ROBO2: variants seen among roughly 807,000 people sequenced by gnomAD.
ROBO2 encodes the protein roundabout guidance receptor 2.
A neutral mutation model predicts 160.8 loss-of-function variants in ROBO2; 53 were observed. The observed-to-expected ratio is 0.33, with a 90% CI of 0.26 to 0.41. The LOEUF (loss-of-function observed/expected upper bound fraction) is 0.41, where lower values mean the gene tolerates loss of function less well. Ranked by LOEUF, ROBO2 falls within the 10% of genes least tolerant of loss-of-function variation. The pLI is 1.00. For missense variants in ROBO2, 1,577 were observed against 1,722.4 expected (o/e 0.92, Z 1.49); for synonymous variants, 664 against 611.7 (o/e 1.09, Z -1.26).
chr3:77,486,025 C>T (rs1263221486), intron 4 of ROBO2, among the ~76,000 whole-genome samples: 4 of 152,110 alleles, frequency 2.6e-5, no homozygotes, highest in Admixed American at 2.0e-4. Context: ...AGTAAGAACA[C>T]GCAGTGTTTG....
Position 76,719,583 on chromosome 3 carries a change from TG to T in ROBO2, c.110-378430del, listed in dbSNP as rs1576217560. Among the ~76,000 whole-genome samples the T allele has an allele frequency of 2.0e-5, 3 of 152,346 alleles. No individual in the cohort carries two copies. The East Asian group carries it at 5.8e-4, about 29-fold the overall frequency. On this transcript the variant is annotated intron_variant, in intron 2 of 26. Coordinates refer to the ROBO2 transcript ENST00000487694. ...CTGAATTTTGTTGTTAACAATTTTT[TG>T]TAAGAAATTTACAATAAGGCCGGGT...
chr3:76,321,198 C>CG (rs2072493606), intron 2 of ROBO2, among the ~76,000 whole-genome samples: 1 of 152,082 alleles, frequency 6.6e-6, no homozygotes, highest in Non-Finnish European at 1.5e-5. Context: ...ACAATGATAA[C>CG]TGCAAATGAG....
intron 2 of ROBO2, among the ~76,000 whole-genome samples, chr3:76,911,998 A>C (rs2076022319): frequency 6.6e-6 from 1 of 152,148 alleles, no homozygotes; most frequent in Non-Finnish European, 1.5e-5. Context: ...AATCCCCAGT[A>C]GGATTTTTTA....
At chr3:77,118,227 T>A (rs1379718381) in intron 2 of ROBO2, among the ~76,000 whole-genome samples, 3 of 152,170 alleles carry the variant, frequency 2.0e-5, no homozygotes, top group Admixed American at 1.3e-4. Context: ...TCCTTTGATA[T>A]CTCAGAGCTG....
At chr3:77,218,698 G>C (rs2085313060) in intron 2 of ROBO2, among the ~76,000 whole-genome samples, 1 of 152,146 alleles carries the variant, frequency 6.6e-6, no homozygotes, top group Non-Finnish European at 1.5e-5. Flanking sequence ...TGTAGAGGAA[G>C]TATAATTAGG....
intron 2 of ROBO2, among the ~76,000 whole-genome samples, chr3:77,276,835 G>A (rs1331183277): frequency 9.9e-5 from 15 of 152,182 alleles, no homozygotes; most frequent in Non-Finnish European, 4.4e-5. Flanking sequence ...CGAATGAGGA[G>A]CAAAGTCACA....
chr3:76,435,822 A>T (rs2076649056), intron 2 of ROBO2, among the ~76,000 whole-genome samples: 1 of 152,162 alleles, frequency 6.6e-6, no homozygotes. Context: ...TCTTTTTTTA[A>T]CAATGAGCAT....
chr3:76,400,803 A>G (rs149999433), intron 2 of ROBO2, among the ~76,000 whole-genome samples: 123 of 151,690 alleles, frequency 8.1e-4, no homozygotes, highest in African/African-American at 2.8e-3. Context: ...TGTTATTAAT[A>G]TTTAAAATAA....
chr3:76,548,113 C>A (rs1477417473), intron 2 of ROBO2, among the ~76,000 whole-genome samples: 4 of 152,074 alleles, frequency 2.6e-5, no homozygotes, highest in South Asian at 2.1e-4. Flanking sequence ...AAGGTAAATT[C>A]ATCATGATGT....
At chr3:77,219,264 G>A (rs60679691) in intron 2 of ROBO2, among the ~76,000 whole-genome samples, 5,388 of 151,674 alleles carry the variant, frequency 0.036, 115 homozygotes, top group Middle Eastern at 0.058. Context: ...GTGAGCCACC[G>A]CACTGGGCCT....
intron 2 of ROBO2, among the ~76,000 whole-genome samples, chr3:76,079,628 C>G (rs374384544): frequency 6.6e-6 from 1 of 151,724 alleles, no homozygotes; most frequent in Non-Finnish European, 1.5e-5. Flanking sequence ...GGATTAGAGG[C>G]GCATGCCGCC....
chr3:77,174,445 G>C (rs923999140), intron 2 of ROBO2, among the ~76,000 whole-genome samples: 1 of 151,812 alleles, frequency 6.6e-6, no homozygotes, highest in African/African-American at 2.4e-5. Flanking sequence ...ATTTCAACTG[G>C]GTGTTCATGC....
chr3:77,018,207 A>C (rs1291590602), intron 2 of ROBO2, among the ~76,000 whole-genome samples: 6 of 152,016 alleles, frequency 3.9e-5, no homozygotes, highest in Admixed American at 3.9e-4. Context: ...GGATCAAGCA[A>C]TTCTCCTGCC....
chr3:76,911,788 A>T (rs2076006677), intron 2 of ROBO2, among the ~76,000 whole-genome samples: 1 of 148,492 alleles, frequency 6.7e-6, no homozygotes, highest in East Asian at 2.0e-4. Flanking sequence ...AAAAGACAAC[A>T]ATAACAACAA....
intron 4 of ROBO2, among the ~76,000 whole-genome samples, chr3:77,492,450 T>A (rs1486940385): frequency 6.6e-6 from 1 of 152,012 alleles, no homozygotes; most frequent in Non-Finnish European, 1.5e-5. Context: ...AGAAGAGTGC[T>A]AGAATACAAT....
intron 2 of ROBO2, among the ~76,000 whole-genome samples, chr3:76,855,648 A>G (rs890248718): frequency 1.3e-5 from 2 of 152,216 alleles, no homozygotes; most frequent in African/African-American, 4.8e-5. Context: ...GAAAGAATTC[A>G]TAAATCTGCC....
At chr3:76,860,933 G>T (rs2070711603) in intron 2 of ROBO2, among the ~76,000 whole-genome samples, 1 of 152,008 alleles carries the variant, frequency 6.6e-6, no homozygotes, top group South Asian at 2.1e-4. Context: ...TTGATAAAAG[G>T]AAAGCATGAG....
intron 2 of ROBO2, among the ~76,000 whole-genome samples, chr3:77,291,122 C>T (rs556790223): frequency 3.3e-5 from 5 of 150,378 alleles, no homozygotes; most frequent in Non-Finnish European, 5.9e-5. Flanking sequence ...GCTAGATCAC[C>T]CCAGACATAA....
chr3:75,963,030 C>T (rs1559787213), intron 2 of ROBO2, among the ~76,000 whole-genome samples: 1 of 151,634 alleles, frequency 6.6e-6, no homozygotes, highest in Non-Finnish European at 1.5e-5. Context: ...GGTATTGTGC[C>T]CAGCTAAATC....
Sources: gnomAD v4.1 joint callset for allele counts (sites outside exome capture counted in the v4.1 genomes callset) on GRCh38, gnomAD v4.1.1 for gene constraint, MANE v1.5 for transcripts, NCBI Gene and HGNC (gene_info 2026-07-23, HGNC 2026-07-21) for gene names.